ANKRD13B: variants seen among roughly 807,000 people sequenced by gnomAD.
ANKRD13B encodes the protein ankyrin repeat domain-containing protein 13B.
A neutral mutation model predicts 74.4 loss-of-function variants in ANKRD13B; 33 were observed. That is an observed-to-expected ratio of 0.44 (90% CI 0.34 to 0.59). The LOEUF is 0.59. Among genes scored for constraint, ANKRD13B ranks in the 20% least tolerant of loss-of-function variants. The probability of loss-of-function intolerance (pLI) is 0.02; values close to 1 mark genes in which losing one functional copy is unlikely to be tolerated. For synonymous variants in ANKRD13B, 341 were observed against 362.9 expected, an observed-to-expected ratio of 0.94 and a Z score of 0.68; for missense variants, 676 against 877.9, an observed-to-expected ratio of 0.77 and a Z score of 2.91.
At chr17:29,596,706 G>A (rs1234892903) in intron 1 of ANKRD13B, among the ~76,000 whole-genome samples, 1 of 152,250 alleles carries the variant, frequency 6.6e-6, no homozygotes, top group South Asian at 2.1e-4. Flanking sequence ...CTGACCTAGA[G>A]GCAGGGGAGA....
At position 29,613,584 on chromosome 17, in the gene ANKRD13B, G is replaced by T. The variant is rs1325281692; in HGVS notation, c.*2G>T. The T allele has an allele frequency of 7.0e-7, 1 of 1,436,042 alleles. No individual in the cohort carries two copies. 89.0% of individuals were successfully genotyped at this position (1,436,042 alleles called of 1,614,324 possible). On this transcript the variant is annotated 3_prime_UTR_variant, in exon 15 of 15. Transcript: ENST00000394859. ...AGGCTCTCACTGACCGAGCAGTAGCGCCCCCTGCCGGGACCCTCGCCAGCG... is the reference window on the plus strand; with the variant it reads ...AGGCTCTCACTGACCGAGCAGTAGCTCCCCCTGCCGGGACCCTCGCCAGCG...
intron 1 of ANKRD13B, among the ~76,000 whole-genome samples, chr17:29,594,681 G>T (rs1165168312): frequency 6.6e-6 from 1 of 152,252 alleles, no homozygotes; most frequent in Non-Finnish European, 1.5e-5. Flanking sequence ...CCAGAGCTGG[G>T]CCCGGGTCCC....
At chr17:29,613,142 C>T (rs1416185687) in intron 14 of ANKRD13B, 179 bp downstream of exon 14, 3 of 1,151,498 alleles carry the variant, frequency 2.6e-6, no homozygotes, top group African/African-American at 1.5e-5. Flanking sequence ...GGCTTCACCG[C>T]GGAGTTCAGA....
At position 29,608,777 on chromosome 17, in the gene ANKRD13B, C is replaced by A; in HGVS notation, c.422-74C>A. On this transcript the variant is annotated intron_variant, in intron 4 of 14. Coordinates refer to ENST00000394859, the MANE Select transcript of ANKRD13B (RefSeq NM_152345.5). The surrounding 1 kb of genome is among the most constrained non-coding windows in gnomAD (Gnocchi z 6.4). Reference sequence around the variant, plus strand: ...TGTTCCTGGCCACACGGATCCCAAACCCCATGCCCTGAGCTGGTCCAGGCC... The same window carrying A: ...TGTTCCTGGCCACACGGATCCCAAAACCCATGCCCTGAGCTGGTCCAGGCC... 1.9e-6 allele frequency: 3 copies of A among 1,583,698 alleles called. No homozygotes were observed. The highest frequency in any genetic ancestry group is 2.3e-5 in the South Asian group (2 of 87,488).
chr17:29,595,171 A>C (rs999971390), intron 1 of ANKRD13B, among the ~76,000 whole-genome samples: 1 of 152,236 alleles, frequency 6.6e-6, no homozygotes, highest in Non-Finnish European at 1.5e-5. Flanking sequence ...AGTGGGTCAC[A>C]GTGCCCCCAG....
intron 1 of ANKRD13B, among the ~76,000 whole-genome samples, chr17:29,597,703 A>G (rs1383364618): frequency 6.6e-6 from 1 of 152,146 alleles, no homozygotes; most frequent in Non-Finnish European, 1.5e-5. Flanking sequence ...GCAAGGTGCC[A>G]CTTACACTGC....
chr17:29,612,995 C>T lies in ANKRD13B; in HGVS notation c.1652+32C>T, dbSNP rs757978866. ...GCCCGCTGGGCCGGAGAGAATCCTC[C>T]GGAGAGGATCCTGTCTCCCCTAAGC... On this transcript the variant is annotated intron_variant, in intron 14 of 14. Coordinates refer to ENST00000394859, the MANE Select transcript of ANKRD13B (RefSeq NM_152345.5). This position sits in a 1 kb window ranked among gnomAD's most constrained non-coding sequence, Gnocchi z 6.1. 1.3e-6 allele frequency: 2 copies of T among 1,583,342 alleles called. No homozygotes were observed. The highest frequency in any genetic ancestry group is 1.1e-5 in the South Asian group (1 of 89,040).
In ANKRD13B at chr17:29,613,506, A is replaced by T; in HGVS notation, c.1805A>T (p.Glu602Val). The T allele has an allele frequency of 6.5e-7, 1 of 1,530,842 alleles. No homozygotes were observed. The highest frequency in any genetic ancestry group is 8.8e-7 in the Non-Finnish European group (1 of 1,140,624). 94.8% of individuals were successfully genotyped at this position (1,530,842 alleles called of 1,614,324 possible). A position where few individuals can be genotyped will look rare whatever the true frequency, so the allele number is the denominator to read the frequency against. ...ATGGAACTGTCGGCGCAGGAGCAGG[A>T]GGAGAGGCGGCGGCGCGCGCGCCAG... Reference protein sequence around the residue: ...LAMELSAQEQEERRRRARQEE... With the variant: ...LAMELSAQEQVERRRRARQEE... The change falls in exon 15 of 15, where the codon GAG becomes GTG. Residue 602 changes from glutamate (E) to valine (V), a missense_variant. Transcript: ENST00000394859.
chr17:29,597,501 A>G (rs2033995596), intron 1 of ANKRD13B, among the ~76,000 whole-genome samples: 1 of 151,806 alleles, frequency 6.6e-6, no homozygotes, highest in African/African-American at 2.4e-5. Flanking sequence ...AAAACTCCAA[A>G]GACTCCACCT....
intron 1 of ANKRD13B, among the ~76,000 whole-genome samples, chr17:29,598,428 T>A (rs1467869192): frequency 1.3e-5 from 2 of 152,170 alleles, no homozygotes; most frequent in African/African-American, 4.8e-5. Flanking sequence ...CACTCTGGAC[T>A]CCTTTTGTCA....
chr17:29,598,722 AT>A (rs1009097318), intron 1 of ANKRD13B, among the ~76,000 whole-genome samples: 4 of 150,270 alleles, frequency 2.7e-5, no homozygotes, highest in East Asian at 3.9e-4. Context: ...TAATTTTTGT[AT>A]TTTTTTTTGT....
At chr17:29,594,966 T>A (rs1428933851) in intron 1 of ANKRD13B, among the ~76,000 whole-genome samples, 1 of 152,210 alleles carries the variant, frequency 6.6e-6, no homozygotes, top group Admixed American at 6.5e-5. Context: ...CATCCAGCTC[T>A]GCATGGCAGT....
Position 29,613,418 on chromosome 17 carries a change from A to G in ANKRD13B, c.1717A>G (p.Ser573Gly), listed in dbSNP as rs1280158759. The G allele has an allele frequency of 1.3e-6, 2 of 1,521,816 alleles. No individual in the cohort carries two copies. Among genetic ancestry groups the G allele is most frequent in the East Asian group, 2.6e-5 (1 of 37,786 alleles). 94.3% of individuals were successfully genotyped at this position (1,521,816 alleles called of 1,614,324 possible). A position where few individuals can be genotyped will look rare whatever the true frequency, so the allele number is the denominator to read the frequency against. ...GGCGTCAGTGCCCAGCCCTCGGCCC[A>G]GCTCAGGGCCAGGTTCCGGCGGCCA... ...PPASVPSPRP[S>G]SGPGSGGHVF... Residue 573 changes from serine (S) to glycine (G), a missense_variant, in exon 15 of 15, where the codon AGC (serine) becomes GGC (glycine). This residue lies in a region of ANKRD13B where 108 missense variants were observed against 90.3 expected (regional missense o/e 1.20). Transcript: ENST00000394859.
At position 29,611,542 on chromosome 17, in the gene ANKRD13B, A is replaced by G. The variant is rs1567794648; in HGVS notation, c.905-37A>G. 1 of 1,603,406 alleles carries G rather than the reference A, an allele frequency of 6.2e-7. No individual in the cohort carries two copies. ...TGATGAGGTGCCCAGGTGTGTGTGGAGTTGCGGTGTCCTCTGAGATGCCAC... is the reference window on the plus strand; with the variant it reads ...TGATGAGGTGCCCAGGTGTGTGTGGGGTTGCGGTGTCCTCTGAGATGCCAC... On this transcript the variant is annotated intron_variant, in intron 8 of 14. Transcript: ENST00000394859. This position sits in a 1 kb window ranked among gnomAD's most constrained non-coding sequence, Gnocchi z 4.3.
In ANKRD13B at chr17:29,608,802, C is replaced by T. The variant is rs1386809779; in HGVS notation, c.422-49C>T. The T allele has an allele frequency of 3.1e-6, 5 of 1,610,014 alleles. No homozygotes were observed. Among genetic ancestry groups the T allele is most frequent in the East Asian group, 2.2e-5 (1 of 44,746 alleles). ...CCCCATGCCCTGAGCTGGTCCAGGCCGTGTAGGCCAGACCAGTCAAAGCCA... is the reference window on the plus strand; with the variant it reads ...CCCCATGCCCTGAGCTGGTCCAGGCTGTGTAGGCCAGACCAGTCAAAGCCA... On this transcript the variant is annotated intron_variant, in intron 4 of 14. Transcript: ENST00000394859. This position sits in a 1 kb window ranked among gnomAD's most constrained non-coding sequence, Gnocchi z 6.4.
chr17:29,605,999 G>A (rs765198237), intron 1 of ANKRD13B, among the ~76,000 whole-genome samples: 3 of 151,510 alleles, frequency 2.0e-5, no homozygotes, highest in Non-Finnish European at 4.4e-5. Context: ...TGCAACCTCC[G>A]CCTCCCGGGT....
At chr17:29,604,893 A>C (rs1448511385) in intron 1 of ANKRD13B, among the ~76,000 whole-genome samples, 1 of 152,132 alleles carries the variant, frequency 6.6e-6, no homozygotes, top group Non-Finnish European at 1.5e-5. Flanking sequence ...CCTTTTCTCT[A>C]GGGATAGTTT....
rs2150896192 is a variant in ANKRD13B, at chr17:29,608,386, T to C, written c.421+146T>C. On this transcript the variant is annotated intron_variant, in intron 4 of 14. Coordinates refer to ENST00000394859, the MANE Select transcript of ANKRD13B (RefSeq NM_152345.5). The surrounding 1 kb of genome is among the most constrained non-coding windows in gnomAD (Gnocchi z 6.4). Reference sequence around the variant, plus strand: ...CAGGGCCACCGCCTCAGCTAGGCCTTTCCAGATTGCCCCAGATACTGTCTT... The same window carrying C: ...CAGGGCCACCGCCTCAGCTAGGCCTCTCCAGATTGCCCCAGATACTGTCTT... The C allele has an allele frequency of 1.0e-6, 1 of 1,002,486 alleles. No homozygotes were observed. The highest frequency in any genetic ancestry group is 2.6e-4 in the Middle Eastern group (1 of 3,830). 62.1% of individuals were successfully genotyped at this position (1,002,486 alleles called of 1,614,324 possible).
chr17:29,599,199 C>T (rs753185551), intron 1 of ANKRD13B, among the ~76,000 whole-genome samples: 29 of 152,060 alleles, frequency 1.9e-4, no homozygotes, highest in Non-Finnish European at 3.7e-4. Flanking sequence ...GAGAACGTTC[C>T]GGGGAAGGCC....
Sources: gnomAD v4.1 joint callset for allele counts (sites outside exome capture counted in the v4.1 genomes callset) on GRCh38, gnomAD v4.1.1 for gene constraint, gnomAD v4.1.1 regional missense constraint, Gnocchi (gnomAD v3.1) non-coding constraint, MANE v1.5 for transcripts, NCBI Gene and HGNC (gene_info 2026-07-23, HGNC 2026-07-21) for gene names.